EVI2B: variants seen among roughly 807,000 people sequenced by gnomAD.
The protein encoded by EVI2B is protein EVI2B.
In EVI2B, 4 loss-of-function variants were observed where a neutral mutation model predicts 6.6. That is an observed-to-expected ratio of 0.61 (90% CI 0.30 to 1.39). The LOEUF (loss-of-function observed/expected upper bound fraction) is 1.39, where lower values mean the gene tolerates loss of function less well. Among genes scored for constraint, EVI2B ranks in the 40% most tolerant of loss-of-function variants. The probability of loss-of-function intolerance (pLI) is 0.08; values close to 1 mark genes in which losing one functional copy is unlikely to be tolerated. For missense variants in EVI2B, 484 were observed against 516.6 expected, an observed-to-expected ratio of 0.94 and a Z score of 0.61; for synonymous variants, 181 against 186.8, an observed-to-expected ratio of 0.97 and a Z score of 0.25.
At position 31,306,341 on chromosome 17, in the gene EVI2B, C is replaced by A. The variant is rs538063238; in HGVS notation, c.-21-711G>T. On this transcript the variant is annotated intron_variant, in intron 1 of 1. Coordinates refer to ENST00000330927, the MANE Select transcript of EVI2B (RefSeq NM_006495.4). ...AACCTGTACCTCCAGCCTACATCTT[C>A]TTTGTCCTAATTCTATTTGTGTGAC... Among the ~76,000 whole-genome samples, 7 of 152,074 alleles carry A rather than the reference C, an allele frequency of 4.6e-5. No homozygotes were observed. In the South Asian group the frequency reaches 1.5e-3, roughly 32 times the overall value.
chr17:31,310,465 CA>C (rs2068841450), intron 1 of EVI2B, among the ~76,000 whole-genome samples: 1 of 152,090 alleles, frequency 6.6e-6, no homozygotes, highest in African/African-American at 2.4e-5. Flanking sequence ...ATGAAAGAAG[CA>C]ACGGCAAAAT....
Position 31,305,016 on chromosome 17 carries a change from GT to G in EVI2B, c.593del (p.Asn198ThrfsTer6), listed in dbSNP as rs765136869. On this transcript the variant is annotated frameshift_variant, in exon 2 of 2. Coordinates refer to ENST00000330927, the MANE Select transcript of EVI2B (RefSeq NM_006495.4). LOFTEE classifies it high-confidence loss of function. Reference protein sequence around the residue: ...TTSNKQTPQKNNYNSIAAILI... With the variant: ...TTSNKQTPQKXNYNSIAAILI... The stretch of plus-strand genomic sequence containing the variant: ...GTATGGCAGCTATTGAATTATAATT[GT>G]TTTTTTGTGGGGTTTGTTTGTTACT... 59 of 1,613,920 alleles carry G rather than the reference GT, an allele frequency of 3.7e-5. No homozygotes were observed. The highest frequency in any genetic ancestry group is 2.7e-4 in the Admixed American group (16 of 59,986).
In EVI2B at chr17:31,304,165, C is replaced by A. The variant is rs2068642901; in HGVS notation, c.*98G>T. The stretch of plus-strand genomic sequence containing the variant: ...TTTCAGATAGTTCCTGAATAAAAAT[C>A]AAAATTGACTATCAGTTGCCATTTT... On this transcript the variant is annotated 3_prime_UTR_variant, in exon 2 of 2. Transcript: ENST00000330927. The A allele has an allele frequency of 2.4e-6, 3 of 1,237,312 alleles. No homozygotes were observed. The highest frequency in any genetic ancestry group is 1.5e-5 in the African/African-American group (1 of 65,534). The allele number at this position is 1,237,312 out of a possible 1,614,324, so 76.6% of individuals were successfully genotyped here.
At chr17:31,313,520 A>G (rs1373218907) in intron 1 of EVI2B, among the ~76,000 whole-genome samples, 1 of 152,074 alleles carries the variant, frequency 6.6e-6, no homozygotes. Context: ...CCTGGGCAAC[A>G]TAGTGAAACC....
In EVI2B at chr17:31,304,631, CA is replaced by C; in HGVS notation, c.978del (p.Gly327GlufsTer34). 1 of 1,614,118 alleles carries C rather than the reference CA, an allele frequency of 6.2e-7. No individual in the cohort carries two copies. Among genetic ancestry groups the C allele is most frequent in the Non-Finnish European group, 8.5e-7 (1 of 1,180,002 alleles). Reference sequence around the variant, plus strand: ...TCATCTGAAGAAGAAACAGCAGTTCCAACTGTTGAACCATCAGCACTATCTT... The same window carrying C: ...TCATCTGAAGAAGAAACAGCAGTTCCACTGTTGAACCATCAGCACTATCTT... ...TSEDSADGST[V>X]GTAVSSSDDA... On this transcript the variant is annotated frameshift_variant, in exon 2 of 2. Transcript: ENST00000330927. LOFTEE classifies it low-confidence loss of function (END_TRUNC).
chr17:31,310,171 G>T (rs1341367114), intron 1 of EVI2B, among the ~76,000 whole-genome samples: 1 of 152,074 alleles, frequency 6.6e-6, no homozygotes, highest in African/African-American at 2.4e-5. Context: ...CATTGTTTCT[G>T]TAGGTAAAGA....
At chr17:31,308,525 C>T (rs1009817250) in intron 1 of EVI2B, among the ~76,000 whole-genome samples, 1 of 152,202 alleles carries the variant, frequency 6.6e-6, no homozygotes, top group Non-Finnish European at 1.5e-5. Context: ...ACTGAAACTT[C>T]TTATCCAGCC....
intron 1 of EVI2B, among the ~76,000 whole-genome samples, chr17:31,308,596 G>A (rs958495480): frequency 6.6e-5 from 10 of 151,954 alleles, no homozygotes; most frequent in Admixed American, 3.9e-4. Context: ...CTGCTAAACA[G>A]ACACTTCTAT....
intron 1 of EVI2B, among the ~76,000 whole-genome samples, chr17:31,313,759 A>T (rs898122450): frequency 4.1e-5 from 6 of 144,598 alleles, no homozygotes; most frequent in Non-Finnish European, 6.1e-5. Context: ...TGTGTGTGTG[A>T]GATTAAATAA....
Position 31,305,452 on chromosome 17 carries a change from C to A in EVI2B, c.158G>T (p.Gly53Val). The A allele has an allele frequency of 1.2e-6, 2 of 1,614,042 alleles. No individual in the cohort carries two copies. The highest frequency in any genetic ancestry group is 1.7e-6 in the Non-Finnish European group (2 of 1,180,006). ...QVLANSQNTT[G>V]NPLGQPTQFS... ...TTGTGTTGGTTGACCCAAAGGATTC[C>A]CTGTTGTGTTTTGAGAATTAGCCAA... Residue 53 changes from glycine to valine, a missense_variant, in exon 2 of 2, where the codon GGG (glycine) becomes GTG (valine). Physicochemically the swap from Gly to Val is moderately radical, Grantham distance 109 (BLOSUM62 -3). Coordinates refer to ENST00000330927, the MANE Select transcript of EVI2B (RefSeq NM_006495.4).
At chr17:31,309,323 G>T (rs1336970751) in intron 1 of EVI2B, among the ~76,000 whole-genome samples, 1 of 152,090 alleles carries the variant, frequency 6.6e-6, no homozygotes, top group Non-Finnish European at 1.5e-5. Flanking sequence ...CTTTTTACTA[G>T]TACTTCTACC....
In EVI2B at chr17:31,304,684, A is replaced by G. The variant is rs746838590; in HGVS notation, c.926T>C (p.Ile309Thr). ...TGATGTACCATTTACTTGATCTTTTATTTTCTCTGTTTTGGGGTTGTTGGA... is the reference window on the plus strand; with the variant it reads ...TGATGTACCATTTACTTGATCTTTTGTTTTCTCTGTTTTGGGGTTGTTGGA... The part of the protein sequence containing the change: ...EDSNNPKTEK[I>T]KDQVNGTSED... Residue 309 changes from isoleucine (I) to threonine (T), a missense_variant, in exon 2 of 2, where the codon ATA becomes ACA. Ile to Thr is a moderately conservative substitution (Grantham distance 89). Coordinates refer to ENST00000330927, the MANE Select transcript of EVI2B (RefSeq NM_006495.4). 3.7e-6 allele frequency: 6 copies of G among 1,613,834 alleles called. No individual in the cohort carries two copies. The South Asian group carries it at 5.5e-5, about 15-fold the overall frequency.
chr17:31,305,703 A>G (rs2068701561), intron 1 of EVI2B, 73 bp from the exon 2 acceptor site: 1 of 1,307,148 alleles, frequency 7.7e-7, no homozygotes, highest in South Asian at 1.5e-5. Context: ...TTGACTTTTC[A>G]TTATGATTCC....
In EVI2B at chr17:31,305,318, C is replaced by G. The variant is rs373785777; in HGVS notation, c.292G>C (p.Ala98Pro). 1.2e-6 allele frequency: 2 copies of G among 1,614,104 alleles called. No homozygotes were observed. Among genetic ancestry groups the G allele is most frequent in the South Asian group, 2.2e-5 (2 of 91,078 alleles). Residue 98 changes from alanine to proline, a missense_variant, in exon 2 of 2, where the codon GCT (alanine) becomes CCT (proline). Transcript: ENST00000330927. ...GTGTTGTAGGCAAGTGGTTGTCCAG[C>G]AGAAGTATGTGCTTCTGGTTTTTCA... ...SSEKPEAHTS[A>P]GQPLAYNTKQ...
In EVI2B at chr17:31,304,483, G is replaced by T. The variant is rs759239594; in HGVS notation, c.1127C>A (p.Ser376Tyr). The T allele has an allele frequency of 2.1e-5, 34 of 1,614,046 alleles. No homozygotes were observed. Among genetic ancestry groups the T allele is most frequent in the African/African-American group, 2.7e-5 (2 of 74,932 alleles). Residue 376 changes from serine (S) to tyrosine (Y), a missense_variant, in exon 2 of 2, where the codon TCT (serine) becomes TAT (tyrosine). Ser to Tyr is a moderately radical substitution (Grantham distance 144). Coordinates refer to ENST00000330927, the MANE Select transcript of EVI2B (RefSeq NM_006495.4). ...LPNDSTSLPPSLDCLNQDCGD... is the reference protein window; with the variant it reads ...LPNDSTSLPPYLDCLNQDCGD... Reference sequence around the variant, plus strand: ...ACAGTCTTGATTGAGACAGTCCAGAGATGGAGGGAGACTAGTAGAATCATT... The same window carrying T: ...ACAGTCTTGATTGAGACAGTCCAGATATGGAGGGAGACTAGTAGAATCATT...
chr17:31,311,383 A>G (rs1352135422), intron 1 of EVI2B, among the ~76,000 whole-genome samples: 2 of 152,250 alleles, frequency 1.3e-5, no homozygotes, highest in Non-Finnish European at 2.9e-5. Context: ...TGGAGAGCAT[A>G]TCCTAGACAA....
In EVI2B at chr17:31,304,109, G is replaced by A; in HGVS notation, c.*154C>T. 2 of 662,102 alleles carry A rather than the reference G, an allele frequency of 3.0e-6. No homozygotes were observed. Among genetic ancestry groups the A allele is most frequent in the Non-Finnish European group, 4.8e-6 (2 of 414,376 alleles). The allele number at this position is 662,102 out of a possible 1,614,324, so 41.0% of individuals were successfully genotyped here. On this transcript the variant is annotated 3_prime_UTR_variant, in exon 2 of 2. Transcript: ENST00000330927. ...GTTAAATAACTTTTTTTAAAAAAAA[G>A]TTTCATCTATGCACATAGGCTCTGA...
Position 31,305,577 on chromosome 17 carries a change from A to G in EVI2B, c.33T>C (p.Phe11=). Residue 11 remains phenylalanine, a synonymous_variant, in exon 2 of 2, where the codon TTT becomes TTC. Coordinates refer to ENST00000330927, the MANE Select transcript of EVI2B (RefSeq NM_006495.4). ...AAAATGTATTGTTCAGGTGTCCACA[A>G]AACAAAATTAAGATGAAATATTTGG... MDPKYFILIL[F]CGHLNNTFFS... 3 of 1,613,390 alleles carry G rather than the reference A, an allele frequency of 1.9e-6. No homozygotes were observed. Among genetic ancestry groups the G allele is most frequent in the Non-Finnish European group, 1.7e-6 (2 of 1,179,722 alleles).
Position 31,304,651 on chromosome 17 carries a change from C to T in EVI2B, c.959G>A (p.Ser320Asn), listed in dbSNP as rs1208445586. 2 of 1,614,170 alleles carry T rather than the reference C, an allele frequency of 1.2e-6. No individual in the cohort carries two copies. Among genetic ancestry groups the T allele is most frequent in the South Asian group, 2.2e-5 (2 of 91,082 alleles). ...KDQVNGTSED[S>N]ADGSTVGTAV... is the part of the protein sequence containing the mutation. ...AGTTCCAACTGTTGAACCATCAGCA[C>T]TATCTTCTGATGTACCATTTACTTG... The change falls in exon 2 of 2, where the codon AGT (serine) becomes AAT (asparagine). Residue 320 changes from serine (S) to asparagine (N), a missense_variant. By Grantham distance (46) the Ser-to-Asn change is conservative. Transcript: ENST00000330927.
Sources: gnomAD v4.1 joint callset for allele counts (sites outside exome capture counted in the v4.1 genomes callset) on GRCh38, gnomAD v4.1.1 for gene constraint, MANE v1.5 for transcripts, NCBI Gene and HGNC (gene_info 2026-07-23, HGNC 2026-07-21) for gene names.